Variants in SYK observed in about 807,000 individuals in gnomAD.
SYK encodes tyrosine-protein kinase SYK.
Under a neutral mutation model 77.8 loss-of-function variants are expected in SYK, and 16 were observed. That is an observed-to-expected ratio of 0.21 (90% CI 0.14 to 0.31). SYK has a LOEUF of 0.31. Among genes scored for constraint, SYK ranks in the 10% least tolerant of loss-of-function variants. The probability of loss-of-function intolerance (pLI) is 1.00; values close to 1 mark genes in which losing one functional copy is unlikely to be tolerated. For synonymous variants in SYK, 312 were observed against 308.7 expected, an observed-to-expected ratio of 1.01 and a Z score of -0.11; for missense variants, 529 against 814.4, an observed-to-expected ratio of 0.65 and a Z score of 4.26.
chr9:90,833,467 C>T (rs1004925483), intron 1 of SYK, among the ~76,000 whole-genome samples: 3 of 152,150 alleles, frequency 2.0e-5, no homozygotes, highest in African/African-American at 4.8e-5. Context: ...GAGCTCAGCC[C>T]CCCTTCATCA....
chr9:90,809,055 G>A (rs290243), intron 1 of SYK, among the ~76,000 whole-genome samples: 43,128 of 152,056 alleles, frequency 0.28, 6,839 homozygotes, highest in East Asian at 0.43. Context: ...CTTCCTTTTG[G>A]TTAACAACAC....
At chr9:90,856,498 C>A (rs7866696) in intron 3 of SYK, among the ~76,000 whole-genome samples, 1 of 151,932 alleles carries the variant, frequency 6.6e-6, no homozygotes, top group Non-Finnish European at 1.5e-5. Flanking sequence ...ATTCTTCCAG[C>A]GCACTAATTT....
intron 11 of SYK, among the ~76,000 whole-genome samples, chr9:90,886,035 G>A (rs1385973795): frequency 6.6e-6 from 1 of 152,134 alleles, no homozygotes; most frequent in Non-Finnish European, 1.5e-5. Flanking sequence ...ATACTCAAAG[G>A]AATCTTAAAC....
At chr9:90,809,860 G>A (rs1423286974) in intron 1 of SYK, among the ~76,000 whole-genome samples, 1 of 152,038 alleles carries the variant, frequency 6.6e-6, no homozygotes, top group African/African-American at 2.4e-5. Flanking sequence ...CGTGAGGGTT[G>A]GGAGTGGACA....
At chr9:90,804,016 C>CAA (rs5899104) in intron 1 of SYK, among the ~76,000 whole-genome samples, 2 of 140,484 alleles carry the variant, frequency 1.4e-5, no homozygotes, top group South Asian at 4.5e-4. Flanking sequence ...TAAGACTTAC[C>CAA]AAAAAAAAAA....
At chr9:90,842,170 TGTG>T (rs929898235) in intron 1 of SYK, among the ~76,000 whole-genome samples, 4 of 150,256 alleles carry the variant, frequency 2.7e-5, no homozygotes, top group Non-Finnish European at 5.9e-5. Context: ...TGTAGTGTGT[TGTG>T]TGTGTGGTGT....
At chr9:90,881,230 AAGT>A (rs2118906097) in intron 11 of SYK, among the ~76,000 whole-genome samples, 1 of 152,316 alleles carries the variant, frequency 6.6e-6, no homozygotes, top group East Asian at 1.9e-4. Flanking sequence ...CTAAACTAAA[AAGT>A]AAACCAAAGA....
At chr9:90,812,433 C>G (rs1469964060) in intron 1 of SYK, among the ~76,000 whole-genome samples, 3 of 152,166 alleles carry the variant, frequency 2.0e-5, no homozygotes, top group African/African-American at 7.2e-5. Context: ...CATGCTTGCA[C>G]CCTGCTGTCA....
intron 4 of SYK, among the ~76,000 whole-genome samples, chr9:90,863,163 G>C (rs1036072200): frequency 6.6e-6 from 1 of 152,180 alleles, no homozygotes; most frequent in African/African-American, 2.4e-5. Flanking sequence ...ACTGGCTGAT[G>C]ATGAAGGAAA....
intron 6 of SYK, among the ~76,000 whole-genome samples, chr9:90,866,477 T>G (rs577144136): frequency 6.6e-6 from 1 of 152,304 alleles, no homozygotes; most frequent in African/African-American, 2.4e-5. Context: ...TGTGACTTTA[T>G]TTTGCCCTTT....
rs776553047 is a variant in SYK at position 90,897,280 on chromosome 9, G to T, written c.*1680G>T. On this transcript the variant is annotated 3_prime_UTR_variant, in exon 14 of 14. Coordinates refer to ENST00000375754, the MANE Select transcript of SYK (RefSeq NM_003177.7). ...GTGTTTAGAAGTTTTTGGTAGCCAC[G>T]CACACTTTCTGAAATCACACTATCT... is the stretch of plus-strand genomic sequence containing the variant. 4.3e-6 allele frequency: 1 copy of T among 230,028 alleles called. No homozygotes were observed. Among genetic ancestry groups the T allele is most frequent in the Non-Finnish European group, 8.6e-6 (1 of 115,974 alleles). The allele number at this position is 230,028 out of a possible 1,614,324, so 14.2% of individuals were successfully genotyped here.
chr9:90,808,790 C>T (rs568337396), intron 1 of SYK, among the ~76,000 whole-genome samples: 1 of 152,204 alleles, frequency 6.6e-6, no homozygotes, highest in South Asian at 2.1e-4. Flanking sequence ...TAAGGCACTC[C>T]ACCCTTGGTC....
chr9:90,835,551 T>C (rs1325209424), intron 1 of SYK, among the ~76,000 whole-genome samples: 1 of 152,188 alleles, frequency 6.6e-6, no homozygotes, highest in Non-Finnish European at 1.5e-5. Context: ...GAACTGGCTG[T>C]GTTCTCTTTG....
chr9:90,809,005 C>T (rs1824965498), intron 1 of SYK, among the ~76,000 whole-genome samples: 1 of 152,198 alleles, frequency 6.6e-6, no homozygotes, highest in Admixed American at 6.5e-5. Flanking sequence ...CCCTTCTCTG[C>T]ATTTATAGCT....
At chr9:90,803,686 C>G (rs1221399724) in intron 1 of SYK, among the ~76,000 whole-genome samples, 1 of 151,874 alleles carries the variant, frequency 6.6e-6, no homozygotes, top group Non-Finnish European at 1.5e-5. Flanking sequence ...ATTGTTTGCC[C>G]ATGGTTATAA....
intron 3 of SYK, among the ~76,000 whole-genome samples, chr9:90,857,141 C>A (rs1264977594): frequency 6.6e-6 from 1 of 152,366 alleles, no homozygotes; most frequent in South Asian, 2.1e-4. Context: ...TTAGGAAAAA[C>A]CTTTTCCTTG....
At chr9:90,825,119 C>CAAAAAAAAAAAAA (rs148061358) in intron 1 of SYK, among the ~76,000 whole-genome samples, 1 of 93,362 alleles carries the variant, frequency 1.1e-5, no homozygotes, top group Non-Finnish European at 2.5e-5. Flanking sequence ...ACCAAAAAGA[C>CAAAAAAAAAAAAA]AAAAAAAAAA....
rs997314162 is a variant in SYK, at chr9:90,848,288, G to T, written c.578+2694G>T. On this transcript the variant is annotated intron_variant, in intron 3 of 13. Transcript: ENST00000375754. ...CTTTCATGGGAAATAGAGCTAAAAG[G>T]CTCCAGGGAACTCTTGTAAACCATC... 2.6e-5 allele frequency among the ~76,000 whole-genome samples: 4 copies of T among 152,304 alleles called. No individual in the cohort carries two copies. The East Asian group carries it at 5.8e-4, about 22-fold the overall frequency.
intron 7 of SYK, among the ~76,000 whole-genome samples, chr9:90,872,022 G>A (rs1488121324): frequency 6.6e-6 from 1 of 152,130 alleles, no homozygotes; most frequent in African/African-American, 2.4e-5. Flanking sequence ...TGTGCCCAGG[G>A]GTTTAGATTC....
Sources: gnomAD v4.1 joint callset for allele counts (sites outside exome capture counted in the v4.1 genomes callset) on GRCh38, gnomAD v4.1.1 for gene constraint, MANE v1.5 for transcripts, NCBI Gene and HGNC (gene_info 2026-07-23, HGNC 2026-07-21) for gene names.